The following SLC35F4 variants were observed in gnomAD, a reference collection of about 807,000 sequenced individuals.
The protein encoded by SLC35F4 is solute carrier family 35 member F4, also known as chromosome 14 open reading frame 36.
In SLC35F4, 24 loss-of-function variants were observed where a neutral mutation model predicts 44.2. The observed-to-expected ratio is 0.54, with a 90% CI of 0.39 to 0.76. SLC35F4 has a LOEUF of 0.76. SLC35F4 is among the 30% of genes least tolerant of loss of function. The pLI is 0.00. For missense variants in SLC35F4, 562 were observed against 586.1 expected (o/e 0.96, Z 0.42); for synonymous variants, 238 against 223.6 (o/e 1.06, Z -0.57).
intron 1 of SLC35F4, among the ~76,000 whole-genome samples, chr14:57,682,195 C>T (rs899085455): frequency 3.9e-5 from 6 of 152,092 alleles, no homozygotes; most frequent in African/African-American, 1.4e-4. Context: ...CACATGAACA[C>T]GTATGTTTAT....
intron 1 of SLC35F4, among the ~76,000 whole-genome samples, chr14:57,739,995 G>A (rs777675714): frequency 6.6e-6 from 1 of 152,110 alleles, no homozygotes; most frequent in Admixed American, 6.5e-5. Context: ...GAGTAGCTGG[G>A]TTTACAGGCA....
rs1457897960 is a variant in SLC35F4, at chr14:57,750,091, CCATATGT to C, written c.103+115625_103+115631del. Reference sequence around the variant, plus strand: ...GTGTCTGTTATCCCACTCTCTATGGCCATATGTACACATTTTTAGCACCCACTTAAGA... The same window carrying C: ...GTGTCTGTTATCCCACTCTCTATGGCACACATTTTTAGCACCCACTTAAGA... On this transcript the variant is annotated intron_variant, in intron 1 of 7. Transcript: ENST00000556826. Among the ~76,000 whole-genome samples, 170 of 152,178 alleles carry C rather than the reference CCATATGT, an allele frequency of 1.1e-3. 1 individual carries two copies. Among genetic ancestry groups the C allele is most frequent in the African/African-American group, 3.9e-3 (162 of 41,516 alleles).
rs998378797 is a variant in SLC35F4 at position 57,803,002 on chromosome 14, A to G, written c.103+62721T>C. Among the ~76,000 whole-genome samples, 12 of 133,532 alleles carry G rather than the reference A, an allele frequency of 9.0e-5. 1 individual carries two copies. In the South Asian group the frequency reaches 1.2e-3, roughly 14 times the overall value. The allele number at this position is 133,532 out of a possible 152,430, so 87.6% of individuals were successfully genotyped here. A position where few individuals can be genotyped will look rare whatever the true frequency, so the allele number is the denominator to read the frequency against. Reference sequence around the variant, plus strand: ...AGAGATACCAAAAAAAAAAAAAAAAAAAAAGAAATTGCAGGCCAATATCCT... The same window carrying G: ...AGAGATACCAAAAAAAAAAAAAAAAGAAAAGAAATTGCAGGCCAATATCCT... On this transcript the variant is annotated intron_variant, in intron 1 of 7. Coordinates refer to ENST00000556826, the MANE Select transcript of SLC35F4 (RefSeq NM_001306087.2).
At chr14:57,670,902 C>CTTTTTTTTTT (rs35951590) in intron 1 of SLC35F4, among the ~76,000 whole-genome samples, 3 of 107,360 alleles carry the variant, frequency 2.8e-5, no homozygotes, top group African/African-American at 3.6e-5. Flanking sequence ...CTCATTCATT[C>CTTTTTTTTTT]TTTTTTTTTT....
chr14:57,950,675 C>CTTTCTTTTTT (rs573848996), intron 1 of SLC35F4, among the ~76,000 whole-genome samples: 22 of 127,166 alleles, frequency 1.7e-4, no homozygotes, highest in African/African-American at 5.4e-4. Flanking sequence ...TTCTTTCTTT[C>CTTTCTTTTTT]TTTTTTTTTT....
intron 4 of SLC35F4, among the ~76,000 whole-genome samples, chr14:57,573,539 A>T (rs2068622699): frequency 6.6e-6 from 1 of 152,074 alleles, no homozygotes; most frequent in Non-Finnish European, 1.5e-5. Flanking sequence ...ATAATAAGTA[A>T]TAGACTCATC....
chr14:57,621,156 T>C (rs926988860), intron 1 of SLC35F4, among the ~76,000 whole-genome samples: 1 of 151,612 alleles, frequency 6.6e-6, no homozygotes, highest in Non-Finnish European at 1.5e-5. Context: ...CACTGCTCAA[T>C]GAAACAAAAG....
chr14:57,728,952 T>A (rs556119083), intron 1 of SLC35F4, among the ~76,000 whole-genome samples: 1 of 152,318 alleles, frequency 6.6e-6, no homozygotes, highest in South Asian at 2.1e-4. Context: ...TAAAAGTTTT[T>A]TCCTTCAGCA....
At chr14:57,973,036 T>C (rs574507305), downstream of SLC35F4, among the ~76,000 whole-genome samples, 1 of 152,364 alleles carries the variant, frequency 6.6e-6, no homozygotes, top group South Asian at 2.1e-4. Context: ...AAAGTCATTC[T>C]TTAGATTAGT....
Position 57,651,662 on chromosome 14 carries a change from T to C in SLC35F4, c.104-57538A>G, listed in dbSNP as rs117184211. Among the ~76,000 whole-genome samples, 109 of 152,240 alleles carry C rather than the reference T, an allele frequency of 7.2e-4. 3 individuals carry two copies. In the East Asian group the frequency reaches 0.021, roughly 29 times the overall value. ...AGGGTGGAGCTGAGGTAGCACTTTC[T>C]AGACTGGTCATTCAAGCTCCATGGC... On this transcript the variant is annotated intron_variant, in intron 1 of 7. Transcript: ENST00000556826.
chr14:57,932,440 T>G (rs1466750913), intron 1 of SLC35F4, among the ~76,000 whole-genome samples: 1 of 152,192 alleles, frequency 6.6e-6, no homozygotes, highest in Non-Finnish European at 1.5e-5. Flanking sequence ...GCATACAAAT[T>G]TTTAGGTAGG....
At chr14:57,674,188 G>C (rs182380786) in intron 1 of SLC35F4, among the ~76,000 whole-genome samples, 1 of 152,000 alleles carries the variant, frequency 6.6e-6, no homozygotes, top group African/African-American at 2.4e-5. Flanking sequence ...CACCAGAATG[G>C]CTAAAATAAA....
At chr14:57,571,222 G>T (rs1024964557) in intron 5 of SLC35F4, among the ~76,000 whole-genome samples, 3 of 152,158 alleles carry the variant, frequency 2.0e-5, no homozygotes, top group African/African-American at 7.2e-5. Context: ...TTTTAGATCT[G>T]CTCTCTTAGT....
chr14:57,632,709 G>A (rs559167134), intron 1 of SLC35F4, among the ~76,000 whole-genome samples: 2 of 152,044 alleles, frequency 1.3e-5, no homozygotes, highest in South Asian at 4.2e-4. Context: ...CCTTCTATGG[G>A]TTTTTTGTTT....
chr14:57,663,598 C>G (rs1023333408), intron 1 of SLC35F4, among the ~76,000 whole-genome samples: 1 of 152,148 alleles, frequency 6.6e-6, no homozygotes, highest in Non-Finnish European at 1.5e-5. Flanking sequence ...TCTGATACCT[C>G]GACACAATTG....
chr14:57,600,721 C>CAAAAAAAA (rs1566668126), intron 1 of SLC35F4, among the ~76,000 whole-genome samples: 2 of 129,782 alleles, frequency 1.5e-5, no homozygotes, highest in African/African-American at 5.7e-5. Flanking sequence ...AAAAAAAAAC[C>CAAAAAAAA]AAAAAGATAA....
chr14:57,649,840 C>T (rs2073709127), intron 1 of SLC35F4, among the ~76,000 whole-genome samples: 1 of 152,070 alleles, frequency 6.6e-6, no homozygotes, highest in Non-Finnish European at 1.5e-5. Flanking sequence ...CATACTGAAT[C>T]CAGAGATTTG....
At chr14:57,582,860 G>A (rs1376953195) in intron 3 of SLC35F4, among the ~76,000 whole-genome samples, 2 of 152,174 alleles carry the variant, frequency 1.3e-5, no homozygotes, top group Admixed American at 1.3e-4. Flanking sequence ...AAAGGACCAC[G>A]TGGAGAGGAG....
At chr14:57,791,936 G>A (rs1343166794) in intron 1 of SLC35F4, among the ~76,000 whole-genome samples, 6 of 151,874 alleles carry the variant, frequency 4.0e-5, no homozygotes, top group African/African-American at 1.5e-4. Context: ...GGTACAGGGA[G>A]GGGAACATCA....
Sources: gnomAD v4.1 joint callset for allele counts (sites outside exome capture counted in the v4.1 genomes callset) on GRCh38, gnomAD v4.1.1 for gene constraint, MANE v1.5 for transcripts, NCBI Gene and HGNC (gene_info 2026-07-23, HGNC 2026-07-21) for gene names.